Variants in RER1 observed in about 807,000 individuals in gnomAD.
The protein encoded by RER1 is retention in endoplasmic reticulum sorting receptor 1, also known as protein RER1.
A neutral mutation model predicts 28.3 loss-of-function variants in RER1; 6 were observed. The ratio of observed to expected loss-of-function variants is 0.21; its 90% CI spans 0.12 to 0.42. The LOEUF (loss-of-function observed/expected upper bound fraction) is 0.42, where lower values mean the gene tolerates loss of function less well. RER1 is among the 10% of genes least tolerant of loss of function. The probability of loss-of-function intolerance (pLI) is 1.00; values close to 1 mark genes in which losing one functional copy is unlikely to be tolerated. For synonymous variants in RER1, 110 were observed against 95.9 expected (o/e 1.15, Z -0.86); for missense variants, 159 against 252.9 (o/e 0.63, Z 2.52).
At position 2,391,897 on chromosome 1, in the gene RER1, C is replaced by G. The variant is rs918111765; in HGVS notation, c.-69C>G. The stretch of plus-strand genomic sequence containing the variant: ...CGCAGCGCCTGCGGCCGCCCGTGCC[C>G]CGCCGTCCTCCTTCCCGCGGCCGTG... On this transcript the variant is annotated 5_prime_UTR_variant, in exon 1 of 7. Coordinates refer to ENST00000605895, the MANE Select transcript of RER1 (RefSeq NM_007033.5). 2 of 225,450 alleles carry G rather than the reference C, an allele frequency of 8.9e-6. No individual in the cohort carries two copies. The highest frequency in any genetic ancestry group is 4.5e-5 in the African/African-American group (2 of 44,140). The allele number at this position is 225,450 out of a possible 1,614,324, so 14.0% of individuals were successfully genotyped here. A position where few individuals can be genotyped will look rare whatever the true frequency, so the allele number is the denominator to read the frequency against.
At position 2,403,219 on chromosome 1, in the gene RER1, G is replaced by A. The variant is rs1306948903; in HGVS notation, c.*95G>A. 1.1e-6 allele frequency: 1 copy of A among 919,322 alleles called. No individual in the cohort carries two copies. Among genetic ancestry groups the A allele is most frequent in the African/African-American group, 1.7e-5 (1 of 60,064 alleles). The allele number at this position is 919,322 out of a possible 1,614,324, so 56.9% of individuals were successfully genotyped here. On this transcript the variant is annotated 3_prime_UTR_variant, in exon 7 of 7. Transcript: ENST00000605895. The stretch of plus-strand genomic sequence containing the variant: ...TTCACATAAAGTAGTTGATTACGAG[G>A]GAGTCAAATTTTCTTTTTAAAAAGG...
At chr1:2,400,518 G>T (rs1642830284) in intron 4 of RER1, among the ~76,000 whole-genome samples, 1 of 152,226 alleles carries the variant, frequency 6.6e-6, no homozygotes, top group African/African-American at 2.4e-5. Context: ...GCCCCGCCCT[G>T]TTCTCTGCCG....
In RER1 at chr1:2,403,397, T is replaced by C. The variant is rs1642903247; in HGVS notation, c.*273T>C. 2 of 403,606 alleles carry C rather than the reference T, an allele frequency of 5.0e-6. No homozygotes were observed. The highest frequency in any genetic ancestry group is 4.7e-6 in the Non-Finnish European group (1 of 213,632). The allele number at this position is 403,606 out of a possible 1,614,324, so 25.0% of individuals were successfully genotyped here. A position where few individuals can be genotyped will look rare whatever the true frequency, so the allele number is the denominator to read the frequency against. On this transcript the variant is annotated 3_prime_UTR_variant, in exon 7 of 7. Transcript: ENST00000605895. ...CGGGAAGCCAGGCGGGTGGAGCCCA[T>C]GGGAGCAAGGGCGAGTGGCCGGTCC... is the stretch of plus-strand genomic sequence containing the variant.
chr1:2,402,300 C>T lies in RER1; in HGVS notation c.459C>T (p.Tyr153=). ...VPVFWPILVM[Y]FIMLFCITMK... is the part of the protein sequence containing the mutation. ...TGTTCTGGCCGATTCTGGTGATGTA[C>T]TTCATCATGCTCTTCTGTATCACGA... is the stretch of plus-strand genomic sequence containing the variant. Residue 153 remains tyrosine (Y), a synonymous_variant, in exon 6 of 7, where the codon TAC becomes TAT. Coordinates refer to ENST00000605895, the MANE Select transcript of RER1 (RefSeq NM_007033.5). The T allele has an allele frequency of 6.2e-7, 1 of 1,614,256 alleles. No individual in the cohort carries two copies. The highest frequency in any genetic ancestry group is 2.2e-5 in the East Asian group (1 of 44,884).
At chr1:2,400,713 CG>C (rs2100405103) in intron 4 of RER1, 143 bp from the exon 5 acceptor site, 1 of 715,234 alleles carries the variant, frequency 1.4e-6, no homozygotes, top group African/African-American at 1.8e-5. Context: ...CACAGACCCC[CG>C]TTTTCTCGTT....
In RER1 at chr1:2,395,591, C is replaced by G. The variant is rs184477896; in HGVS notation, c.-7-193C>G. ...TGCTCCTGGGCCCATGCGTCTCACG[C>G]TGCCCTTCCTCTCCAGGGAAGCCTG... On this transcript the variant is annotated intron_variant, in intron 1 of 6. Coordinates refer to ENST00000605895, the MANE Select transcript of RER1 (RefSeq NM_007033.5). 1.8e-4 allele frequency: 107 copies of G among 580,526 alleles called. No individual in the cohort carries two copies. In the East Asian group the frequency reaches 2.5e-3, roughly 14 times the overall value. 36.0% of individuals were successfully genotyped at this position (580,526 alleles called of 1,614,324 possible). A position where few individuals can be genotyped will look rare whatever the true frequency, so the allele number is the denominator to read the frequency against.
Position 2,403,220 on chromosome 1 carries a change from G to C in RER1, c.*96G>C. On this transcript the variant is annotated 3_prime_UTR_variant, in exon 7 of 7. Coordinates refer to ENST00000605895, the MANE Select transcript of RER1 (RefSeq NM_007033.5). ...TCACATAAAGTAGTTGATTACGAGG[G>C]AGTCAAATTTTCTTTTTAAAAAGGA... The C allele has an allele frequency of 1.1e-6, 1 of 910,218 alleles. No individual in the cohort carries two copies. Among genetic ancestry groups the C allele is most frequent in the Non-Finnish European group, 1.8e-6 (1 of 567,150 alleles). The allele number at this position is 910,218 out of a possible 1,614,324, so 56.4% of individuals were successfully genotyped here.
At chr1:2,401,252 T>G (rs1570083486) in intron 5 of RER1, among the ~76,000 whole-genome samples, 2 of 62,286 alleles carry the variant, frequency 3.2e-5, no homozygotes, top group Non-Finnish European at 6.4e-5. Flanking sequence ...TCCTCCCTCC[T>G]TCCTCCCTCC....
chr1:2,399,031 G>A (rs1642808149), intron 3 of RER1, among the ~76,000 whole-genome samples: 1 of 152,206 alleles, frequency 6.6e-6, no homozygotes, highest in Non-Finnish European at 1.5e-5. Flanking sequence ...CTCTGGGCCA[G>A]CATCGCTCAG....
chr1:2,398,033 A>C (rs190703722), intron 3 of RER1, among the ~76,000 whole-genome samples: 15 of 152,352 alleles, frequency 9.8e-5, no homozygotes, highest in Non-Finnish European at 1.8e-4. Context: ...TCTCTGATGG[A>C]AAGAATGACC....
rs1642935137 is a variant in RER1, at chr1:2,404,587, CCCT to C, written c.*1469_*1471del. The C allele has an allele frequency of 1.3e-5, 2 of 152,290 alleles. No homozygotes were observed. The highest frequency in any genetic ancestry group is 2.1e-4 in the South Asian group (1 of 4,836). The allele number at this position is 152,290 out of a possible 1,614,324, so 9.4% of individuals were successfully genotyped here. A position where few individuals can be genotyped will look rare whatever the true frequency, so the allele number is the denominator to read the frequency against. On this transcript the variant is annotated 3_prime_UTR_variant, in exon 7 of 7. Transcript: ENST00000605895. ...AGTCTAGAGGGTCACGGCCCCCCCG[CCCT>C]CCTCCGTCTCTGGCAAGCTGACCTT...
In RER1 at chr1:2,395,858, C is replaced by T; in HGVS notation, c.68C>T (p.Thr23Ile). The change falls in exon 2 of 7, where the codon ACA (threonine) becomes ATA (isoleucine). Residue 23 changes from threonine to isoleucine, a missense_variant. Physicochemically the swap from Thr to Ile is moderately conservative, Grantham distance 89. Coordinates refer to ENST00000605895, the MANE Select transcript of RER1 (RefSeq NM_007033.5). ...GKPSVVYRFFTRLGQIYQSWL... is the reference protein window; with the variant it reads ...GKPSVVYRFFIRLGQIYQSWL... ...CCTTCGGTGGTGTACAGATTTTTCA[C>T]AAGACTTGGACAGGTTGGTGGGTTT... is the stretch of plus-strand genomic sequence containing the variant. 1 of 1,613,526 alleles carries T rather than the reference C, an allele frequency of 6.2e-7. No individual in the cohort carries two copies.
intron 3 of RER1, among the ~76,000 whole-genome samples, chr1:2,398,875 G>A (rs1242146060): frequency 6.6e-6 from 1 of 152,216 alleles, no homozygotes; most frequent in Non-Finnish European, 1.5e-5. Context: ...TCCCAGTTGT[G>A]GATTTCTTCT....
intron 3 of RER1, among the ~76,000 whole-genome samples, chr1:2,397,851 T>G (rs1357297944): frequency 6.6e-6 from 1 of 152,228 alleles, no homozygotes; most frequent in African/African-American, 2.4e-5. Flanking sequence ...AGATGGGAAT[T>G]CTTCGTCGGT....
intron 2 of RER1, among the ~76,000 whole-genome samples, chr1:2,396,651 A>G (rs571572296): frequency 1.3e-4 from 20 of 151,308 alleles, no homozygotes; most frequent in African/African-American, 4.2e-4. Flanking sequence ...ACGCACACAC[A>G]TGTGGGTGTG....
intron 1 of RER1, among the ~76,000 whole-genome samples, chr1:2,392,965 T>C (rs1267330587): frequency 4.8e-4 from 6 of 12,616 alleles, no homozygotes; most frequent in Admixed American, 4.5e-3. Flanking sequence ...GCCGGGGGCT[T>C]TCTTAGTCCC....
intron 3 of RER1, among the ~76,000 whole-genome samples, chr1:2,398,367 A>C (rs1642798974): frequency 6.6e-6 from 1 of 152,242 alleles, no homozygotes; most frequent in South Asian, 2.1e-4. Context: ...TCTTGTTTGT[A>C]TAAGAAAGTT....
chr1:2,396,410 A>C (rs994389693), intron 2 of RER1: 2 of 153,682 alleles, frequency 1.3e-5, no homozygotes, highest in African/African-American at 4.8e-5. Flanking sequence ...CGGCTCAAAT[A>C]AAAATTCATC....
intron 3 of RER1, among the ~76,000 whole-genome samples, chr1:2,397,541 C>T (rs1227059387): frequency 6.6e-6 from 1 of 150,966 alleles, no homozygotes; most frequent in Non-Finnish European, 1.5e-5. Context: ...ATGCTCAGGA[C>T]AAGGTTGCGC....
Sources: gnomAD v4.1 joint callset for allele counts (sites outside exome capture counted in the v4.1 genomes callset) on GRCh38, gnomAD v4.1.1 for gene constraint, MANE v1.5 for transcripts, NCBI Gene and HGNC (gene_info 2026-07-23, HGNC 2026-07-21) for gene names.